The following ZNF506 variants were observed in gnomAD, a reference collection of about 807,000 sequenced individuals.
The protein encoded by ZNF506 is zinc finger protein 506.
Under a neutral mutation model 11.6 loss-of-function variants are expected in ZNF506, and 10 were observed. The ratio of observed to expected loss-of-function variants is 0.86; its 90% confidence interval spans 0.53 to 1.46. The LOEUF is 1.46. Among genes scored for constraint, ZNF506 ranks in the 40% most tolerant of loss-of-function variants. The pLI is 0.00. For missense variants in ZNF506, 425 were observed against 521.2 expected, an observed-to-expected ratio of 0.82 and a Z score of 1.80; for synonymous variants, 156 against 173.3, an observed-to-expected ratio of 0.90 and a Z score of 0.78.
At chr19:19,804,294 AAAG>A (rs1425345334) in intron 3 of ZNF506, among the ~76,000 whole-genome samples, 3 of 152,260 alleles carry the variant, frequency 2.0e-5, no homozygotes, top group African/African-American at 2.4e-5. Flanking sequence ...ACATTTCTCA[AAAG>A]AAGACATTTA....
At chr19:19,817,434 AT>A (rs59740974) in intron 1 of ZNF506, among the ~76,000 whole-genome samples, 15 of 46,208 alleles carry the variant, frequency 3.2e-4, no homozygotes, top group Non-Finnish European at 4.9e-4. Flanking sequence ...CGTAAATCTG[AT>A]TTTTTTTTTT....
intron 3 of ZNF506, among the ~76,000 whole-genome samples, chr19:19,805,473 C>T (rs1485398329): frequency 6.6e-6 from 1 of 151,320 alleles, no homozygotes; most frequent in East Asian, 1.9e-4. Context: ...CTAAAATTTA[C>T]ATGAAACTAA....
chr19:19,821,581 T>C lies in ZNF506; in HGVS notation c.3+20A>G, dbSNP rs762450657. ...ACCAGCCCCTCTCCCTCTCTCGGGA[T>C]GTCGAACTGGCACTCTCACCATTTC... On this transcript the variant is annotated intron_variant, in intron 1 of 3. Coordinates refer to ENST00000540806, the MANE Select transcript of ZNF506 (RefSeq NM_001099269.3). 28 of 1,613,996 alleles carry C rather than the reference T, an allele frequency of 1.7e-5. No individual in the cohort carries two copies. The highest frequency in any genetic ancestry group is 2.2e-5 in the Non-Finnish European group (26 of 1,179,896).
chr19:19,802,161 C>T (rs1172447500), intron 3 of ZNF506, among the ~76,000 whole-genome samples: 1 of 147,892 alleles, frequency 6.8e-6, no homozygotes, highest in African/African-American at 2.5e-5. Flanking sequence ...GCCAAGATCG[C>T]ACCACTGCAC....
intron 3 of ZNF506, among the ~76,000 whole-genome samples, chr19:19,804,425 A>G (rs1165548036): frequency 1.3e-5 from 2 of 152,216 alleles, no homozygotes; most frequent in Non-Finnish European, 2.9e-5. Flanking sequence ...TTAAAAAGTC[A>G]GGAAACAACA....
chr19:19,812,733 G>A (rs1457843329), intron 1 of ZNF506, among the ~76,000 whole-genome samples: 1 of 152,176 alleles, frequency 6.6e-6, no homozygotes, highest in South Asian at 2.1e-4. Flanking sequence ...ATCCTTTGGT[G>A]TTACAGTAAG....
In ZNF506 at chr19:19,794,785, GTT is replaced by G; in HGVS notation, c.1100_1101del (p.Lys367ThrfsTer5). ...SKHKRAHTGE[K>X]PYKCEECGKA... The stretch of plus-strand genomic sequence containing the variant: ...TTGCCACATTCTTCACACTTGTAGG[GTT>G]TCTCTCCAGTATGAGCTCTCTTATG... On this transcript the variant is annotated frameshift_variant, in exon 4 of 4. Transcript: ENST00000540806. LOFTEE classifies it low-confidence loss of function (END_TRUNC). 3 of 1,614,024 alleles carry G rather than the reference GTT, an allele frequency of 1.9e-6. No homozygotes were observed. Among genetic ancestry groups the G allele is most frequent in the Non-Finnish European group, 2.5e-6 (3 of 1,179,996 alleles).
At chr19:19,806,557 A>G (rs1050957335) in intron 2 of ZNF506, among the ~76,000 whole-genome samples, 1 of 152,236 alleles carries the variant, frequency 6.6e-6, no homozygotes, top group African/African-American at 2.4e-5. Flanking sequence ...AGCCTGGCCT[A>G]TAACAGAAAT....
chr19:19,811,757 A>G (rs2062884886), intron 1 of ZNF506, among the ~76,000 whole-genome samples: 1 of 152,112 alleles, frequency 6.6e-6, no homozygotes, highest in Non-Finnish European at 1.5e-5. Context: ...AGCTGAGATT[A>G]CACCATTGCA....
intron 1 of ZNF506, among the ~76,000 whole-genome samples, chr19:19,810,349 G>A (rs2062874198): frequency 6.6e-6 from 1 of 152,138 alleles, no homozygotes. Context: ...CAATGTCTGA[G>A]TAAGTCTTGA....
chr19:19,794,952 G>A lies in ZNF506; in HGVS notation c.935C>T (p.Pro312Leu). ...KHEIIHTGEKPYKCEECGKAF... is the reference protein window; with the variant it reads ...KHEIIHTGEKLYKCEECGKAF... ...TTTGCCACATTCCTCACATTTGTAGGGTTTCTCTCCAGTATGAATTATCTC... is the reference window on the plus strand; with the variant it reads ...TTTGCCACATTCCTCACATTTGTAGAGTTTCTCTCCAGTATGAATTATCTC... Residue 312 changes from proline (P) to leucine (L), a missense_variant, in exon 4 of 4, where the codon CCC (proline) becomes CTC (leucine). Pro to Leu is a moderately conservative substitution (Grantham distance 98, BLOSUM62 -3). Around this residue, in one of 3 missense-constraint regions of ZNF506, gnomAD observed 192 missense variants for 215.7 expected, o/e 0.89. Coordinates refer to ENST00000540806, the MANE Select transcript of ZNF506 (RefSeq NM_001099269.3). 6.2e-7 allele frequency: 1 copy of A among 1,613,868 alleles called. No homozygotes were observed. Among genetic ancestry groups the A allele is most frequent in the Non-Finnish European group, 8.5e-7 (1 of 1,180,002 alleles).
chr19:19,810,151 G>A (rs2062873085), intron 1 of ZNF506, among the ~76,000 whole-genome samples: 1 of 152,190 alleles, frequency 6.6e-6, no homozygotes, highest in African/African-American at 2.4e-5. Context: ...CAAGTTCCCT[G>A]TCAATGCGGA....
At chr19:19,821,528 A>T in intron 1 of ZNF506, 73 bp downstream of exon 1, 1 of 1,602,870 alleles carries the variant, frequency 6.2e-7, no homozygotes, top group South Asian at 1.1e-5. Context: ...CCACTGCCAC[A>T]GCCACAGCCA....
chr19:19,799,733 T>C (rs2062774408), intron 3 of ZNF506, among the ~76,000 whole-genome samples: 1 of 152,148 alleles, frequency 6.6e-6, no homozygotes, highest in Non-Finnish European at 1.5e-5. Context: ...ATTAATATTG[T>C]GAAGATGTCT....
At position 19,795,424 on chromosome 19, in the gene ZNF506, G is replaced by A; in HGVS notation, c.463C>T (p.His155Tyr). ...TGTTTGTTTGAATTTGAAAATTTAT[G>A]CAAGAATTTCACATATTCATCACAT... ...FQCDEYVKFL[H>Y]KFSNSNKHKI... The change falls in exon 4 of 4, where the codon CAT becomes TAT. Residue 155 changes from histidine to tyrosine, a missense_variant. Coordinates refer to ENST00000540806, the MANE Select transcript of ZNF506 (RefSeq NM_001099269.3). 6.3e-7 allele frequency: 1 copy of A among 1,594,132 alleles called. No individual in the cohort carries two copies. Among genetic ancestry groups the A allele is most frequent in the Non-Finnish European group, 8.5e-7 (1 of 1,173,418 alleles).
At chr19:19,799,297 T>C in intron 3 of ZNF506, 1 of 413,492 alleles carries the variant, frequency 2.4e-6, no homozygotes, top group East Asian at 3.6e-5. Flanking sequence ...TCTGTAATAA[T>C]AATAAAACAA....
In ZNF506 at chr19:19,821,649, A is replaced by G; in HGVS notation, c.-46T>C. 1 of 1,613,194 alleles carries G rather than the reference A, an allele frequency of 6.2e-7. No individual in the cohort carries two copies. On this transcript the variant is annotated 5_prime_UTR_variant, in exon 1 of 4. Coordinates refer to ENST00000540806, the MANE Select transcript of ZNF506 (RefSeq NM_001099269.3). The stretch of plus-strand genomic sequence containing the variant: ...CCGGCGTCCTAGCTGTGACCCTCCT[A>G]ATACCTGCAGGTCACAGGGCCACAG...
intron 3 of ZNF506, among the ~76,000 whole-genome samples, chr19:19,805,136 T>A (rs1355142322): frequency 6.6e-6 from 1 of 152,110 alleles, no homozygotes; most frequent in African/African-American, 2.4e-5. Context: ...ATAAATACAC[T>A]AATTAAATTA....
intron 1 of ZNF506, among the ~76,000 whole-genome samples, chr19:19,809,385 G>A (rs1300495346): frequency 6.6e-6 from 1 of 152,138 alleles, no homozygotes; most frequent in Non-Finnish European, 1.5e-5. Context: ...AGTTTTGTAA[G>A]TACTAAACAC....
Sources: gnomAD v4.1 joint callset for allele counts (sites outside exome capture counted in the v4.1 genomes callset) on GRCh38, gnomAD v4.1.1 for gene constraint, gnomAD v4.1.1 regional missense constraint, MANE v1.5 for transcripts, NCBI Gene and HGNC (gene_info 2026-07-23, HGNC 2026-07-21) for gene names.